HK1: variants seen among roughly 807,000 people sequenced by gnomAD.
HK1 encodes the protein hexokinase-1.
A neutral mutation model predicts 91.6 loss-of-function variants in HK1; 28 were observed. The observed-to-expected ratio is 0.31, with a 90% confidence interval of 0.23 to 0.42. The LOEUF (loss-of-function observed/expected upper bound fraction) is 0.42. Ranked by LOEUF, HK1 falls within the 10% of genes least tolerant of loss-of-function variation. HK1 has a pLI of 1.00. For missense variants in HK1, 770 were observed against 1,219.8 expected (o/e 0.63, Z 5.49); for synonymous variants, 430 against 468.1 (o/e 0.92, Z 1.05).
intron 2 of HK1, among the ~76,000 whole-genome samples, chr10:69,354,120 G>C (rs1849016971): frequency 6.6e-6 from 1 of 152,228 alleles, no homozygotes; most frequent in East Asian, 1.9e-4. Flanking sequence ...TGCTTGGTGT[G>C]TGGGGAAAAA....
intron 5 of HK1, among the ~76,000 whole-genome samples, chr10:69,301,583 A>G (rs1280377853): frequency 6.6e-6 from 1 of 150,958 alleles, no homozygotes; most frequent in Non-Finnish European, 1.5e-5. Context: ...CAAAAAAAAA[A>G]AAAAAAAAAA....
At chr10:69,300,486 G>A in intron 4 of HK1, 2 of 842,170 alleles carry the variant, frequency 2.4e-6, no homozygotes, top group African/African-American at 1.7e-5. Context: ...CTTCTTTATG[G>A]TCCATGATGC....
intron 1 of HK1, among the ~76,000 whole-genome samples, chr10:69,323,994 C>T (rs1309014234): frequency 5.3e-5 from 8 of 152,152 alleles, no homozygotes; most frequent in Non-Finnish European, 1.0e-4. Context: ...CCTCTGCATC[C>T]AGGAATCAGT....
chr10:69,278,590 T>G (rs954561162), intron 1 of HK1: 5 of 152,214 alleles, frequency 3.3e-5, no homozygotes, highest in Non-Finnish European at 5.9e-5. Context: ...GGATCCGAAC[T>G]GTTGGACGGC....
chr10:69,343,258 A>T lies in HK1; in HGVS notation c.64-569A>T, dbSNP rs76170554. Among the ~76,000 whole-genome samples, 1,134 of 152,340 alleles carry T rather than the reference A, an allele frequency of 7.4e-3. 10 individuals carry two copies. Among genetic ancestry groups the T allele is most frequent in the Non-Finnish European group, 0.012 (801 of 68,034 alleles). On this transcript the variant is annotated intron_variant, in intron 1 of 17. Transcript: ENST00000359426. ...GTACTACTGTCTCATGTTAATAATA[A>T]TAGCTGATGTTTATTGAGCAGTTAC...
chr10:69,323,364 ATTTTTT>A (rs1215250097), intron 1 of HK1, among the ~76,000 whole-genome samples: 1 of 151,610 alleles, frequency 6.6e-6, no homozygotes. Context: ...TTAAAAAAAA[ATTTTTT>A]TTAGCCTGCT....
chr10:69,343,807 T>C lies in HK1; in HGVS notation c.64-20T>C, dbSNP rs777522364. The C allele has an allele frequency of 4.4e-6, 7 of 1,604,590 alleles. No homozygotes were observed. In the African/African-American group the frequency reaches 6.7e-5, roughly 15 times the overall value. Reference sequence around the variant, plus strand: ...TCCTCCCCCTCGACCTCACTCTCCTTCCTTCTCATCCCCCTCCAGATTGAC... The same window carrying C: ...TCCTCCCCCTCGACCTCACTCTCCTCCCTTCTCATCCCCCTCCAGATTGAC... On this transcript the variant is annotated intron_variant, in intron 1 of 17. Transcript: ENST00000359426.
upstream of HK1, chr10:69,315,871 C>T: frequency 7.1e-7 from 1 of 1,410,392 alleles, no homozygotes; most frequent in Non-Finnish European, 1.0e-6. Flanking sequence ...CAAAACTCTA[C>T]CACAACCTGA....
intron 3 of HK1, among the ~76,000 whole-genome samples, chr10:69,289,037 C>T (rs1018498604): frequency 2.0e-5 from 3 of 152,080 alleles, no homozygotes; most frequent in South Asian, 2.1e-4. Context: ...CCGCCCACCT[C>T]GGCCTCCCAA....
chr10:69,396,628 C>T (rs1164771306), intron 16 of HK1, among the ~76,000 whole-genome samples: 1 of 151,854 alleles, frequency 6.6e-6, no homozygotes, highest in Admixed American at 6.6e-5. Context: ...ATTCACTTAG[C>T]ATAATGTCTT....
chr10:69,384,566 G>A (rs1473955551), intron 11 of HK1, 85 bp downstream of exon 11: 9 of 1,564,356 alleles, frequency 5.8e-6, no homozygotes, highest in Non-Finnish European at 7.0e-6. Flanking sequence ...ATCCGCCACG[G>A]GGTGCCCACA....
At chr10:69,332,571 C>A (rs117118878) in intron 1 of HK1, among the ~76,000 whole-genome samples, 224 of 151,732 alleles carry the variant, frequency 1.5e-3, no homozygotes, top group Non-Finnish European at 2.5e-3. Flanking sequence ...TTAGTAGAGA[C>A]GGGTTTTGCC....
chr10:69,346,252 A>G (rs1274922638), intron 2 of HK1, among the ~76,000 whole-genome samples: 1 of 152,232 alleles, frequency 6.6e-6, no homozygotes, highest in Non-Finnish European at 1.5e-5. Flanking sequence ...AATTAGTGAC[A>G]GAATTAGTGG....
chr10:69,308,356 G>A (rs946822436), intron 5 of HK1, among the ~76,000 whole-genome samples: 20 of 152,068 alleles, frequency 1.3e-4, no homozygotes, highest in African/African-American at 4.8e-4. Context: ...CAGGAGCATC[G>A]GCAAGACTCC....
intron 1 of HK1, among the ~76,000 whole-genome samples, chr10:69,337,473 C>T (rs978854562): frequency 6.6e-6 from 1 of 152,208 alleles, no homozygotes; most frequent in Non-Finnish European, 1.5e-5. Context: ...TCTTTCTACA[C>T]AGTTCAAATG....
intron 17 of HK1, among the ~76,000 whole-genome samples, chr10:69,399,330 T>C (rs1281665085): frequency 6.6e-6 from 1 of 152,066 alleles, no homozygotes; most frequent in Non-Finnish European, 1.5e-5. Context: ...GGCAACATAG[T>C]GAGACCTTGT....
Position 69,294,296 on chromosome 10 carries a change from GTGTGGC to G in HK1, c.-114-1333_-114-1328del, listed in dbSNP as rs1845445321. Among the ~76,000 whole-genome samples the G allele has an allele frequency of 2.6e-5, 4 of 152,294 alleles. No homozygotes were observed. In the South Asian group the frequency reaches 8.3e-4, roughly 32 times the overall value. On this transcript the variant is annotated intron_variant, in intron 3 of 21. Transcript: ENST00000360289. Reference sequence around the variant, plus strand: ...AGCATGGGTATAGGGAGGAGAATTAGTGTGGCTGTTTTTTGCAAACAATTTACCACA... The same window carrying G: ...AGCATGGGTATAGGGAGGAGAATTAGTGTTTTTTGCAAACAATTTACCACA...
At chr10:69,389,050 A>T (rs1839777131) in intron 13 of HK1, 147 bp from the exon 14 acceptor site, 5 of 703,980 alleles carry the variant, frequency 7.1e-6, no homozygotes, top group Non-Finnish European at 1.3e-5. Context: ...GTGAAGGAAC[A>T]TTCATTACCT....
At chr10:69,338,397 G>A in intron 1 of HK1, 4 of 1,221,120 alleles carry the variant, frequency 3.3e-6, no homozygotes, top group Non-Finnish European at 4.2e-6. Context: ...TGACCAGACT[G>A]ACCAGAGTCC....
Sources: allele counts gnomAD v4.1 joint callset (sites outside exome capture counted in the v4.1 genomes callset), GRCh38; gene constraint gnomAD v4.1.1; transcripts MANE v1.5; gene names NCBI Gene and HGNC (gene_info 2026-07-23, HGNC 2026-07-21).